The following SP1 variants were observed in gnomAD, a reference collection of about 807,000 sequenced individuals.
SP1 encodes transcription factor Sp1.
SP1 carries 6 observed loss-of-function variants against 66.3 expected under a neutral mutation model. That is an observed-to-expected ratio of 0.09 (90% CI 0.05 to 0.18). The LOEUF is 0.18. Ranked by LOEUF, SP1 falls within the 10% of genes least tolerant of loss-of-function variation. The pLI is 1.00. For missense variants in SP1, 848 were observed against 964.5 expected (o/e 0.88, Z 1.60); for synonymous variants, 417 against 360.8 (o/e 1.16, Z -1.77).
Position 53,393,219 on chromosome 12 carries a change from C to T in SP1, c.1675+9597C>T, listed in dbSNP as rs532059878. On this transcript the variant is annotated intron_variant, in intron 3 of 5. Transcript: ENST00000327443. ...ATCCCAGCACTTTCGGAGGTCGAGG[C>T]GAGAGGACTGGTTTAGCCCAGAAGT... 5.3e-5 allele frequency among the ~76,000 whole-genome samples: 8 copies of T among 152,306 alleles called. No homozygotes were observed. In the South Asian group the frequency reaches 6.2e-4, roughly 12 times the overall value.
chr12:53,381,766 C>G lies in SP1; in HGVS notation c.115C>G (p.Arg39Gly), dbSNP rs185174235. The G allele has an allele frequency of 5.0e-6, 8 of 1,613,964 alleles. No homozygotes were observed. The African/African-American group carries it at 5.3e-5, about 11-fold the overall frequency. ...TGGTGGTGGTGCCTTTTCACAGGCT[C>G]GAAGTAGCAGCACAGGCAGTAGCAG... ...GNGGGAFSQA[R>G]SSSTGSSSST... is the part of the protein sequence containing the mutation. Residue 39 changes from arginine to glycine, a missense_variant, in exon 2 of 6, where the codon CGA becomes GGA. This residue lies in a region of SP1 where 84 missense variants were observed against 73.9 expected (regional missense o/e 1.14). Coordinates refer to ENST00000327443, the MANE Select transcript of SP1 (RefSeq NM_138473.3).
intron 3 of SP1, among the ~76,000 whole-genome samples, chr12:53,387,736 A>C (rs1938262880): frequency 6.6e-6 from 1 of 152,216 alleles, no homozygotes; most frequent in Admixed American, 6.5e-5. Flanking sequence ...CTGTAATCCC[A>C]GCACTTTGGG....
intron 3 of SP1, among the ~76,000 whole-genome samples, chr12:53,397,124 G>T (rs1399431784): frequency 6.7e-6 from 1 of 149,710 alleles, no homozygotes; most frequent in African/African-American, 2.5e-5. Context: ...AAGCAGTTCT[G>T]CCTCAGCTTC....
At chr12:53,391,344 G>GTTTTTTT (rs1938345899) in intron 3 of SP1, among the ~76,000 whole-genome samples, 3 of 106,454 alleles carry the variant, frequency 2.8e-5, no homozygotes, top group African/African-American at 1.0e-4. Flanking sequence ...TTTAAGTAAT[G>GTTTTTTT]TCTTTTTTTT....
chr12:53,385,322 G>C (rs1399725686), intron 3 of SP1, among the ~76,000 whole-genome samples: 1 of 145,478 alleles, frequency 6.9e-6, no homozygotes, highest in Non-Finnish European at 1.5e-5. Flanking sequence ...GCGGCCGGGC[G>C]CGGTGGCTCA....
intron 3 of SP1, among the ~76,000 whole-genome samples, chr12:53,390,578 G>A (rs1259713869): frequency 6.6e-6 from 1 of 152,114 alleles, no homozygotes; most frequent in African/African-American, 2.4e-5. Flanking sequence ...AGCTAGTCAG[G>A]AGGATGAGGC....
In SP1 at chr12:53,414,583, A is replaced by T. The variant is rs1263996965; in HGVS notation, c.*3343A>T. The stretch of plus-strand genomic sequence containing the variant: ...ATTTATTTCTACTATATACATATAT[A>T]TTTTTTGCTTTTGTATATCCTATAT... On this transcript the variant is annotated 3_prime_UTR_variant, in exon 6 of 6. Transcript: ENST00000327443. 6.6e-6 allele frequency: 1 copy of T among 152,528 alleles called. No homozygotes were observed. Among genetic ancestry groups the T allele is most frequent in the Non-Finnish European group, 1.5e-5 (1 of 68,028 alleles). The allele number at this position is 152,528 out of a possible 1,614,324, so 9.4% of individuals were successfully genotyped here. A position where few individuals can be genotyped will look rare whatever the true frequency, so the allele number is the denominator to read the frequency against.
chr12:53,407,872 G>A (rs1938779959), intron 4 of SP1, among the ~76,000 whole-genome samples: 2 of 149,392 alleles, frequency 1.3e-5, no homozygotes, highest in Non-Finnish European at 3.0e-5. Flanking sequence ...TCCTGACCTT[G>A]TGATCCGCCT....
intron 3 of SP1, among the ~76,000 whole-genome samples, chr12:53,401,576 TTCA>T (rs1002413227): frequency 3.3e-5 from 5 of 152,274 alleles, no homozygotes; most frequent in South Asian, 2.1e-4. Flanking sequence ...TTTTGATATG[TTCA>T]TCATAATCAT....
At chr12:53,381,895 G>A (rs1349914362) in intron 2 of SP1, 82 bp downstream of exon 2, 6 of 1,482,934 alleles carry the variant, frequency 4.0e-6, no homozygotes, top group East Asian at 2.3e-5. Flanking sequence ...CACAGAAAGC[G>A]TTTTAGGGAG....
intron 3 of SP1, among the ~76,000 whole-genome samples, chr12:53,387,208 C>G (rs973137703): frequency 2.0e-5 from 3 of 152,178 alleles, no homozygotes; most frequent in Non-Finnish European, 4.4e-5. Flanking sequence ...GCCTTGGCCT[C>G]CCAAAGTGCT....
chr12:53,410,215 G>A (rs1408126965), intron 5 of SP1, among the ~76,000 whole-genome samples: 1 of 151,480 alleles, frequency 6.6e-6, no homozygotes, highest in Non-Finnish European at 1.5e-5. Flanking sequence ...TGAGGCAGGA[G>A]AATTGCTTGA....
chr12:53,398,301 G>C (rs1938533723), intron 3 of SP1, among the ~76,000 whole-genome samples: 3 of 151,430 alleles, frequency 2.0e-5, no homozygotes, highest in Admixed American at 2.0e-4. Flanking sequence ...TTTTTGTTTT[G>C]AGACAGAGTC....
chr12:53,392,091 T>A (rs903294689), intron 3 of SP1, among the ~76,000 whole-genome samples: 2 of 152,210 alleles, frequency 1.3e-5, no homozygotes, highest in Non-Finnish European at 2.9e-5. Flanking sequence ...ATATGACTTG[T>A]TTGACAACTT....
intron 3 of SP1, among the ~76,000 whole-genome samples, chr12:53,397,463 AAT>A (rs371585432): frequency 1.9e-4 from 26 of 136,578 alleles, no homozygotes; most frequent in African/African-American, 7.7e-4. Context: ...ATAATATAGT[AAT>A]TTTTTTTTTT....
intron 3 of SP1, among the ~76,000 whole-genome samples, chr12:53,398,023 C>T (rs1346040048): frequency 1.3e-5 from 2 of 151,858 alleles, no homozygotes; most frequent in African/African-American, 4.8e-5. Flanking sequence ...TTACTTTAAT[C>T]TTCTAGTGCA....
intron 3 of SP1, among the ~76,000 whole-genome samples, chr12:53,405,829 G>T (rs1374319193): frequency 6.6e-6 from 1 of 151,942 alleles, no homozygotes; most frequent in South Asian, 2.1e-4. Flanking sequence ...TTACAAATGC[G>T]TTATAAGTGG....
intron 1 of SP1, 59 bp from the exon 2 acceptor site, chr12:53,381,600 T>A: frequency 6.7e-7 from 1 of 1,483,336 alleles, no homozygotes; most frequent in Non-Finnish European, 9.2e-7. Context: ...CTTTTATCCT[T>A]CCTACTTCAT....
chr12:53,393,211 G>A (rs1342152292), intron 3 of SP1, among the ~76,000 whole-genome samples: 2 of 152,220 alleles, frequency 1.3e-5, no homozygotes, highest in Non-Finnish European at 2.9e-5. Context: ...CACTTTCGGA[G>A]GTCGAGGCGA....
Sources: gnomAD v4.1 joint callset for allele counts (sites outside exome capture counted in the v4.1 genomes callset) on GRCh38, gnomAD v4.1.1 for gene constraint, gnomAD v4.1.1 regional missense constraint, MANE v1.5 for transcripts, NCBI Gene and HGNC (gene_info 2026-07-23, HGNC 2026-07-21) for gene names.